The following POMK variants were observed in gnomAD, a reference collection of about 807,000 sequenced individuals.
POMK encodes Sugen kinase 196.
POMK carries 19 observed loss-of-function variants against 23.0 expected under a neutral mutation model. The ratio of observed to expected loss-of-function variants is 0.83; its 90% CI spans 0.58 to 1.21. The LOEUF is 1.21. POMK is among the 50% of genes most tolerant of loss of function. The probability of loss-of-function intolerance (pLI) is 0.00; values close to 1 mark genes in which losing one functional copy is unlikely to be tolerated. For synonymous variants in POMK, 173 were observed against 171.6 expected (o/e 1.01, Z -0.06); for missense variants, 410 against 431.3 (o/e 0.95, Z 0.44).
intron 2 of POMK, among the ~76,000 whole-genome samples, chr8:43,099,846 T>A (rs1018203669): frequency 6.6e-6 from 1 of 152,140 alleles, no homozygotes; most frequent in Non-Finnish European, 1.5e-5. Flanking sequence ...TCTGTTTTTC[T>A]AGTAAAATAG....
intron 4 of POMK, among the ~76,000 whole-genome samples, chr8:43,114,175 C>T (rs1334750811): frequency 1.3e-5 from 2 of 152,228 alleles, no homozygotes; most frequent in East Asian, 3.8e-4. Context: ...GCAGAGGTTA[C>T]TGCTGTCTTT....
chr8:43,095,304 T>C (rs1811312557), intron 1 of POMK, among the ~76,000 whole-genome samples: 2 of 152,190 alleles, frequency 1.3e-5, no homozygotes, highest in South Asian at 2.1e-4. Flanking sequence ...ACAGAATTGG[T>C]GTGAAGTTGA....
chr8:43,121,731 A>G (rs557945647), intron 4 of POMK, among the ~76,000 whole-genome samples: 1 of 152,174 alleles, frequency 6.6e-6, no homozygotes, highest in Admixed American at 6.5e-5. Context: ...CCTGCCATGC[A>G]GTTATATGGA....
chr8:43,111,031 T>C (rs1811646078), intron 4 of POMK, among the ~76,000 whole-genome samples: 3 of 152,098 alleles, frequency 2.0e-5, no homozygotes, highest in Admixed American at 2.0e-4. Context: ...CATTTCCAAC[T>C]GAGGTACCAG....
At chr8:43,112,390 G>A (rs186800745) in intron 4 of POMK, among the ~76,000 whole-genome samples, 252 of 152,268 alleles carry the variant, frequency 1.7e-3, no homozygotes, top group African/African-American at 5.9e-3. Flanking sequence ...AATGAACAAA[G>A]CCTCTAAGAA....
intron 4 of POMK, among the ~76,000 whole-genome samples, chr8:43,117,402 G>A (rs1456157472): frequency 2.0e-5 from 3 of 152,160 alleles, no homozygotes; most frequent in African/African-American, 7.2e-5. Context: ...ATCATCCATC[G>A]CAAACGTCTT....
intron 2 of POMK, among the ~76,000 whole-genome samples, chr8:43,101,411 C>G (rs1306628450): frequency 1.4e-5 from 2 of 138,614 alleles, no homozygotes; most frequent in African/African-American, 5.6e-5. Flanking sequence ...GAGTCAGACC[C>G]TATGTCAAAA....
chr8:43,103,423 C>T, intron 3 of POMK, 105 bp from the exon 4 acceptor site: 1 of 1,047,408 alleles, frequency 9.5e-7, no homozygotes, highest in East Asian at 2.4e-5. Context: ...GGTAACGCTG[C>T]AGCTTACAGG....
intron 4 of POMK, among the ~76,000 whole-genome samples, chr8:43,112,975 A>C (rs541823001): frequency 9.4e-4 from 143 of 152,370 alleles, no homozygotes; most frequent in African/African-American, 3.3e-3. Flanking sequence ...AATTGTAAAG[A>C]CCATCAAGGC....
intron 1 of POMK, among the ~76,000 whole-genome samples, chr8:43,095,197 C>G (rs1417963811): frequency 6.6e-6 from 1 of 152,148 alleles, no homozygotes; most frequent in East Asian, 1.9e-4. Context: ...AAACTTGGCT[C>G]TTCTGTGTAT....
intron 4 of POMK, among the ~76,000 whole-genome samples, chr8:43,107,307 C>T (rs952413171): frequency 6.6e-6 from 1 of 152,096 alleles, no homozygotes; most frequent in Non-Finnish European, 1.5e-5. Context: ...CACGATAGGA[C>T]TGATTTGTTG....
At chr8:43,113,920 C>G (rs1468546835) in intron 4 of POMK, among the ~76,000 whole-genome samples, 2 of 152,242 alleles carry the variant, frequency 1.3e-5, no homozygotes, top group South Asian at 4.1e-4. Flanking sequence ...GGCTGCAGAA[C>G]AGCGGATTTT....
chr8:43,120,433 C>T (rs1811889385), intron 4 of POMK, among the ~76,000 whole-genome samples: 1 of 151,794 alleles, frequency 6.6e-6, no homozygotes, highest in Non-Finnish European at 1.5e-5. Flanking sequence ...GTTGGCTAGG[C>T]TGGTCTCCAA....
At chr8:43,115,796 A>T (rs4345607) in intron 4 of POMK, among the ~76,000 whole-genome samples, 2 of 152,174 alleles carry the variant, frequency 1.3e-5, no homozygotes, top group South Asian at 2.1e-4. Flanking sequence ...TCTGAGTAAA[A>T]GAGCCCTTGC....
intron 1 of POMK, among the ~76,000 whole-genome samples, chr8:43,094,144 A>T (rs1223692851): frequency 1.3e-5 from 2 of 151,946 alleles, no homozygotes; most frequent in Non-Finnish European, 2.9e-5. Context: ...CCCAGGCTGG[A>T]GTGTAGTGGC....
intron 4 of POMK, among the ~76,000 whole-genome samples, chr8:43,106,752 A>C (rs1165066919): frequency 6.6e-6 from 1 of 151,032 alleles, no homozygotes; most frequent in Admixed American, 6.6e-5. Context: ...GCCCTCCTCG[A>C]CCTCCCAAAA....
chr8:43,099,754 G>A (rs1014981855), intron 2 of POMK, among the ~76,000 whole-genome samples: 1 of 152,204 alleles, frequency 6.6e-6, no homozygotes, highest in African/African-American at 2.4e-5. Context: ...CAGTTTCATG[G>A]TAACACACTG....
intron 2 of POMK, 69 bp from the exon 3 acceptor site, chr8:43,102,436 A>G (rs1811462985): frequency 6.6e-6 from 1 of 152,670 alleles, no homozygotes; most frequent in African/African-American, 2.4e-5. Flanking sequence ...CGTTTGGACT[A>G]TGGCGATTTG....
At chr8:43,108,447 T>C (rs1354769865) in intron 4 of POMK, among the ~76,000 whole-genome samples, 1 of 152,232 alleles carries the variant, frequency 6.6e-6, no homozygotes, top group African/African-American at 2.4e-5. Flanking sequence ...TTTTAAATTC[T>C]GGAGAAATCA....
Sources: allele counts gnomAD v4.1 joint callset (sites outside exome capture counted in the v4.1 genomes callset), GRCh38; gene constraint gnomAD v4.1.1; transcripts MANE v1.5; gene names NCBI Gene and HGNC (gene_info 2026-07-23, HGNC 2026-07-21).